The following DNAAF11 variants were observed in gnomAD, a reference collection of about 807,000 sequenced individuals.
DNAAF11 encodes the protein dynein axonemal assembly factor 11, also known as leucine rich repeat containing 6.
Under a neutral mutation model 60.8 loss-of-function variants are expected in DNAAF11, and 45 were observed. The observed-to-expected ratio is 0.74, with a 90% confidence interval of 0.58 to 0.95. The LOEUF is 0.95. DNAAF11 is among the 40% of genes least tolerant of loss of function. The pLI is 0.00. For synonymous variants in DNAAF11, 191 were observed against 183.5 expected (o/e 1.04, Z -0.33); for missense variants, 546 against 546.2 (o/e 1.00, Z 0.00).
intron 10 of DNAAF11, among the ~76,000 whole-genome samples, chr8:132,598,116 T>C (rs1817211158): frequency 1.3e-5 from 2 of 152,220 alleles, no homozygotes; most frequent in Admixed American, 1.3e-4. Flanking sequence ...AAAATGATAA[T>C]CACCCCTACT....
intron 5 of DNAAF11, among the ~76,000 whole-genome samples, chr8:132,626,658 T>C (rs1285884033): frequency 6.6e-6 from 1 of 152,128 alleles, no homozygotes; most frequent in Non-Finnish European, 1.5e-5. Context: ...GGCAAGAAAA[T>C]GACATCATTT....
At chr8:132,679,660 G>A (rs544416994), upstream of DNAAF11, among the ~76,000 whole-genome samples, 1 of 152,270 alleles carries the variant, frequency 6.6e-6, no homozygotes, top group East Asian at 1.9e-4. Flanking sequence ...GACCTGGTGG[G>A]AGGTAATTAA....
rs748349124 is a variant in DNAAF11, at chr8:132,632,765, A to G, written c.628T>C (p.Trp210Arg). Residue 210 changes from tryptophan to arginine, a missense_variant, in exon 5 of 12, where the codon TGG becomes CGG. Physicochemically the swap from Trp to Arg is moderately radical, Grantham distance 101. Transcript: ENST00000620350. ...AGAGTAGCATTGATGTCTGTGTACC[A>G]ACGTCCATCAAAGCCTGCGTTACTT... is the stretch of plus-strand genomic sequence containing the variant. The part of the protein sequence containing the change: ...KRSNAGFDGR[W>R]YTDINATLSS... 1.7e-5 allele frequency: 28 copies of G among 1,612,098 alleles called. No homozygotes were observed. Among genetic ancestry groups the G allele is most frequent in the Non-Finnish European group, 2.4e-5 (28 of 1,178,160 alleles).
chr8:132,684,975 C>T, the DNAAF11 span: 6 of 152,180 alleles, frequency 3.9e-5, no homozygotes, highest in African/African-American at 1.4e-4. Flanking sequence ...CACATTTCCA[C>T]ACAATGAAGA....
chr8:132,596,433 T>C (rs3779968), intron 10 of DNAAF11, among the ~76,000 whole-genome samples: 24,205 of 152,086 alleles, frequency 0.16, 2,997 homozygotes, highest in African/African-American at 0.34. Context: ...CATCCACACA[T>C]TGCAGTCTAA....
chr8:132,695,882 C>A, the DNAAF11 span, among the ~76,000 whole-genome samples: 1 of 152,056 alleles, frequency 6.6e-6, no homozygotes. Flanking sequence ...TTATTGACAG[C>A]ACATGGAATC....
At chr8:132,596,900 T>C (rs13260074) in intron 10 of DNAAF11, among the ~76,000 whole-genome samples, 20,235 of 152,102 alleles carry the variant, frequency 0.13, 1,834 homozygotes, top group African/African-American at 0.25. Context: ...GTGCAGGGAA[T>C]TGCCACAGTC....
chr8:132,624,044 A>C (rs1820010970), intron 6 of DNAAF11, among the ~76,000 whole-genome samples: 1 of 152,220 alleles, frequency 6.6e-6, no homozygotes. Flanking sequence ...GGAGTAAAAA[A>C]AATTTCTCCT....
chr8:132,581,225 T>A (rs1815292480), intron 11 of DNAAF11, among the ~76,000 whole-genome samples: 1 of 152,216 alleles, frequency 6.6e-6, no homozygotes, highest in East Asian at 1.9e-4. Context: ...ACTACTTTTA[T>A]GACCTCAGGG....
chr8:132,640,328 C>T (rs547334139), intron 3 of DNAAF11, among the ~76,000 whole-genome samples: 48 of 152,142 alleles, frequency 3.2e-4, no homozygotes, highest in Non-Finnish European at 5.0e-4. Flanking sequence ...CTGTCATCAT[C>T]TTCTTGATGA....
chr8:132,636,205 A>G (rs1479165876), intron 4 of DNAAF11, among the ~76,000 whole-genome samples: 1 of 149,848 alleles, frequency 6.7e-6, no homozygotes, highest in Non-Finnish European at 1.5e-5. Context: ...ACATAGTAGT[A>G]AACATATGAA....
intron 9 of DNAAF11, 95 bp downstream of exon 9, chr8:132,611,199 T>C (rs1818630192): frequency 5.4e-6 from 5 of 923,638 alleles, no homozygotes; most frequent in Non-Finnish European, 8.3e-6. Flanking sequence ...CGGGCCCTTT[T>C]TCTATTTTAA....
At chr8:132,584,874 A>G (rs1407821643) in intron 10 of DNAAF11, among the ~76,000 whole-genome samples, 2 of 152,156 alleles carry the variant, frequency 1.3e-5, no homozygotes, top group African/African-American at 4.8e-5. Flanking sequence ...TCTGCCTCCC[A>G]TCTACTGGCT....
At chr8:132,619,986 T>C (rs1223048862) in intron 7 of DNAAF11, among the ~76,000 whole-genome samples, 2 of 152,168 alleles carry the variant, frequency 1.3e-5, no homozygotes, top group African/African-American at 2.4e-5. Context: ...GATTGCTTTT[T>C]TTCTCAACGA....
intron 5 of DNAAF11, among the ~76,000 whole-genome samples, chr8:132,627,955 T>C (rs1325764161): frequency 6.6e-6 from 1 of 152,170 alleles, no homozygotes; most frequent in African/African-American, 2.4e-5. Flanking sequence ...CTGTTCACTG[T>C]AGAGGTGGTC....
intron 2 of DNAAF11, among the ~76,000 whole-genome samples, chr8:132,659,933 G>A (rs553333473): frequency 1.2e-4 from 18 of 152,054 alleles, no homozygotes; most frequent in Non-Finnish European, 2.4e-4. Flanking sequence ...ATACACATGC[G>A]ACAACCAAAA....
chr8:132,588,992 C>A (rs895726167), intron 10 of DNAAF11, among the ~76,000 whole-genome samples: 1 of 152,152 alleles, frequency 6.6e-6, no homozygotes, highest in African/African-American at 2.4e-5. Context: ...CCCCCGTGAT[C>A]CAACCATCTC....
intron 2 of DNAAF11, 68 bp from the exon 3 acceptor site, chr8:132,656,975 T>C: frequency 1.8e-6 from 1 of 564,306 alleles, no homozygotes; most frequent in Non-Finnish European, 3.1e-6. Flanking sequence ...TGTAATCTAT[T>C]ACTAAAATAA....
chr8:132,697,119 C>T, the DNAAF11 span, among the ~76,000 whole-genome samples: 1 of 152,060 alleles, frequency 6.6e-6, no homozygotes, highest in Non-Finnish European at 1.5e-5. Context: ...CCAGAATAGG[C>T]AATTTTATAG....
Sources: allele counts gnomAD v4.1 joint callset (sites outside exome capture counted in the v4.1 genomes callset), GRCh38; gene constraint gnomAD v4.1.1; transcripts MANE v1.5; gene names NCBI Gene and HGNC (gene_info 2026-07-23, HGNC 2026-07-21).